The following TEX14 variants were observed in gnomAD, a reference collection of about 807,000 sequenced individuals.
TEX14 encodes the protein inactive serine/threonine-protein kinase TEX14.
Under a neutral mutation model 178.6 loss-of-function variants are expected in TEX14, and 168 were observed. That is an observed-to-expected ratio of 0.94 (90% CI 0.83 to 1.07). The LOEUF (loss-of-function observed/expected upper bound fraction) is 1.07, where lower values mean the gene tolerates loss of function less well. Ranked by LOEUF, TEX14 falls within the 50% of genes least tolerant of loss-of-function variation. The probability of loss-of-function intolerance (pLI) is 0.00; values close to 1 mark genes in which losing one functional copy is unlikely to be tolerated. For missense variants in TEX14, 1,730 were observed against 1,753.6 expected, an observed-to-expected ratio of 0.99 and a Z score of 0.24; for synonymous variants, 626 against 634.1, an observed-to-expected ratio of 0.99 and a Z score of 0.19.
intron 1 of TEX14, among the ~76,000 whole-genome samples, chr17:58,677,995 C>T (rs1277540774): frequency 6.6e-6 from 1 of 152,100 alleles, no homozygotes; most frequent in Non-Finnish European, 1.5e-5. Context: ...ACTAAAAATA[C>T]AAAAATTAGC....
At chr17:58,630,818 T>A (rs1056705402) in intron 2 of TEX14, among the ~76,000 whole-genome samples, 1 of 152,116 alleles carries the variant, frequency 6.6e-6, no homozygotes, top group African/African-American at 2.4e-5. Context: ...TAAAATGGAT[T>A]AAAATGGTTC....
intron 15 of TEX14, among the ~76,000 whole-genome samples, chr17:58,589,435 G>A (rs1309343167): frequency 7.3e-5 from 11 of 149,972 alleles, no homozygotes; most frequent in African/African-American, 1.2e-4. Context: ...GGTGGCGGGC[G>A]CCTGTAATCC....
chr17:58,613,718 T>C (rs1215925260), intron 8 of TEX14, among the ~76,000 whole-genome samples, 174 bp from the exon 9 acceptor site: 1 of 152,058 alleles, frequency 6.6e-6, no homozygotes, highest in African/African-American at 2.4e-5. Flanking sequence ...TGGAGTGCAG[T>C]GGGGTGATCT....
In TEX14 at chr17:58,598,861, T is replaced by C; in HGVS notation, c.2469+15A>G. 2 of 1,572,858 alleles carry C rather than the reference T, an allele frequency of 1.3e-6. No individual in the cohort carries two copies. The highest frequency in any genetic ancestry group is 1.7e-6 in the Non-Finnish European group (2 of 1,162,012). ...TGGATCTTTTGCCAAAATGTCCCCC[T>C]TGAAAGTCTCTTACCATTCTTGGAA... On this transcript the variant is annotated intron_variant, in intron 14 of 31. Coordinates refer to ENST00000349033, the MANE Select transcript of TEX14 (RefSeq NM_031272.5).
intron 1 of TEX14, among the ~76,000 whole-genome samples, chr17:58,656,869 G>A (rs1432951768): frequency 7.1e-6 from 1 of 140,120 alleles, no homozygotes; most frequent in Non-Finnish European, 1.5e-5. Flanking sequence ...GTTGCAGTGA[G>A]CCGAGATCAT....
intron 15 of TEX14, among the ~76,000 whole-genome samples, chr17:58,592,701 G>A (rs2045184021): frequency 6.6e-6 from 1 of 151,668 alleles, no homozygotes; most frequent in Non-Finnish European, 1.5e-5. Context: ...ACCACGCCCG[G>A]CTAATTTATG....
At chr17:58,630,614 G>GT in intron 2 of TEX14, 60 bp from the exon 3 acceptor site, 1 of 1,160,978 alleles carries the variant, frequency 8.6e-7, no homozygotes, top group South Asian at 1.2e-5. Context: ...AAGGAACTGG[G>GT]TAGGGGGTGG....
intron 27 of TEX14, 62 bp from the exon 28 acceptor site, chr17:58,565,030 TAA>T (rs1030769024): frequency 9.3e-7 from 1 of 1,079,358 alleles, no homozygotes; most frequent in African/African-American, 1.6e-5. Flanking sequence ...AAGCTTGCCT[TAA>T]AATAGAGTGC....
chr17:58,618,077 C>A (rs78342574), intron 5 of TEX14, among the ~76,000 whole-genome samples: 3,597 of 152,280 alleles, frequency 0.024, 141 homozygotes, highest in African/African-American at 0.081. Context: ...TCAGTCAAGC[C>A]TTCAGATGAA....
At chr17:58,660,797 G>C (rs1207723183) in intron 1 of TEX14, 1 of 781,650 alleles carries the variant, frequency 1.3e-6, no homozygotes, top group Non-Finnish European at 2.4e-6. Flanking sequence ...GTCACTCACT[G>C]TCATGGAAGC....
chr17:58,571,890 T>C (rs377175671), intron 24 of TEX14, 31 bp downstream of exon 24: 77 of 1,583,386 alleles, frequency 4.9e-5, no homozygotes, highest in Non-Finnish European at 4.8e-5. Context: ...GCTGACTCCA[T>C]GAGTTTGTAA....
chr17:58,644,945 C>A (rs2046666782), intron 2 of TEX14, among the ~76,000 whole-genome samples: 1 of 151,626 alleles, frequency 6.6e-6, no homozygotes, highest in African/African-American at 2.4e-5. Context: ...GCCACTGCGC[C>A]TAGCCTTGGC....
intron 1 of TEX14, among the ~76,000 whole-genome samples, chr17:58,685,909 C>T (rs1486130171): frequency 6.7e-6 from 1 of 149,170 alleles, no homozygotes; most frequent in Non-Finnish European, 1.5e-5. Flanking sequence ...GCAGGACAAT[C>T]GCCTGAACAT....
At chr17:58,639,346 CAGT>C (rs112642524) in intron 2 of TEX14, among the ~76,000 whole-genome samples, 96,131 of 151,214 alleles carry the variant, frequency 0.64, 30,893 homozygotes, top group African/African-American at 0.71. Context: ...AATAAGGTGC[CAGT>C]AGTGTATACT....
chr17:58,620,538 G>C (rs546062215), intron 5 of TEX14, among the ~76,000 whole-genome samples: 1 of 151,966 alleles, frequency 6.6e-6, no homozygotes, highest in African/African-American at 2.4e-5. Flanking sequence ...CTGTCACCCA[G>C]GCTGGAGTGC....
At chr17:58,579,617 A>C in intron 20 of TEX14, 48 bp downstream of exon 20, 3 of 1,506,020 alleles carry the variant, frequency 2.0e-6, no homozygotes, top group Non-Finnish European at 2.8e-6. Context: ...CAACAGAAGA[A>C]ATTTAAGGGA....
chr17:58,588,132 A>C, intron 15 of TEX14, 111 bp from the exon 16 acceptor site: 1 of 626,448 alleles, frequency 1.6e-6, no homozygotes. Context: ...GGTAGAAGAA[A>C]CCCGCAGTTG....
chr17:58,607,257 C>T (rs921459525), intron 10 of TEX14, among the ~76,000 whole-genome samples: 2 of 152,186 alleles, frequency 1.3e-5, no homozygotes, highest in Non-Finnish European at 2.9e-5. Flanking sequence ...TGCTGTCTAA[C>T]ATTTCTGACA....
intron 14 of TEX14, among the ~76,000 whole-genome samples, chr17:58,594,236 C>T (rs1005226925): frequency 3.3e-5 from 5 of 152,098 alleles, no homozygotes; most frequent in African/African-American, 1.2e-4. Flanking sequence ...AAAAAATCCA[C>T]TTTCCTGAGC....
Sources: allele counts gnomAD v4.1 joint callset (sites outside exome capture counted in the v4.1 genomes callset), GRCh38; gene constraint gnomAD v4.1.1; transcripts MANE v1.5; gene names NCBI Gene and HGNC (gene_info 2026-07-23, HGNC 2026-07-21).